DUOX1: variants seen among roughly 807,000 people sequenced by gnomAD.
The protein encoded by DUOX1 is dual oxidase 1.
Under a neutral mutation model 181.8 loss-of-function variants are expected in DUOX1, and 134 were observed. That is an observed-to-expected ratio of 0.74 (90% confidence interval 0.64 to 0.85). The LOEUF is 0.85. DUOX1 is among the 40% of genes least tolerant of loss of function. The probability of loss-of-function intolerance (pLI) is 0.00; values close to 1 mark genes in which losing one functional copy is unlikely to be tolerated. For missense variants in DUOX1, 1,814 were observed against 2,064.4 expected (o/e 0.88, Z 2.35); for synonymous variants, 798 against 832.5 (o/e 0.96, Z 0.71).
intron 2 of DUOX1, among the ~76,000 whole-genome samples, chr15:45,132,240 T>G (rs1417680083): frequency 6.6e-6 from 1 of 152,234 alleles, no homozygotes; most frequent in East Asian, 1.9e-4. Flanking sequence ...TTAGGGAGCC[T>G]TCAGCTGCTG....
At chr15:45,138,074 G>GTGTT in intron 10 of DUOX1, 60 bp downstream of exon 10, 17 of 994,086 alleles carry the variant, frequency 1.7e-5, no homozygotes, top group East Asian at 2.7e-5. Flanking sequence ...ATGTGTGTGT[G>GTGTT]TGTATGTGTG....
rs959959253 is a variant in DUOX1 at position 45,144,215 on chromosome 15, A to T, written c.2116A>T (p.Ile706Phe). ...NRGRRTLLLK[I>F]PKEYDLVLLF... The stretch of plus-strand genomic sequence containing the variant: ...TGGACGCCGCACTCTGCTGCTCAAG[A>T]TCCCCAAGGAGTATGACCTGGTATG... Residue 706 changes from isoleucine to phenylalanine, a missense_variant, in exon 17 of 34, where the codon ATC (isoleucine) becomes TTC (phenylalanine). Transcript: ENST00000389037. 3 of 1,614,044 alleles carry T rather than the reference A, an allele frequency of 1.9e-6. No individual in the cohort carries two copies. The highest frequency in any genetic ancestry group is 2.5e-6 in the Non-Finnish European group (3 of 1,180,046).
chr15:45,137,868 C>T (rs1413247733), intron 9 of DUOX1, 56 bp from the exon 10 acceptor site: 3 of 1,399,992 alleles, frequency 2.1e-6, no homozygotes, highest in Non-Finnish European at 2.9e-6. Flanking sequence ...AGAACTGATG[C>T]CTGACATTAT....
rs774718763 is a variant in DUOX1, at chr15:45,136,401, G to A, written c.916G>A (p.Glu306Lys). The change falls in exon 8 of 34, where the codon GAG becomes AAG. Residue 306 changes from glutamate to lysine, a missense_variant. Around this residue, in one of 5 missense-constraint regions of DUOX1, gnomAD observed 1,064 missense variants for 1,152.9 expected, o/e 0.92. Transcript: ENST00000389037. ...CAGCTTCCTGCAGAAAACACTCCCG[G>A]AGTATACAGGTGAGGGAGCGGGGAA... is the stretch of plus-strand genomic sequence containing the variant. ...LPSFLQKTLP[E>K]YTGYRPFLDP... 2 of 1,614,140 alleles carry A rather than the reference G, an allele frequency of 1.2e-6. No homozygotes were observed. Among genetic ancestry groups the A allele is most frequent in the Non-Finnish European group, 1.7e-6 (2 of 1,180,040 alleles).
At chr15:45,136,473 T>C (rs1227079465) in intron 8 of DUOX1, 56 bp from the exon 9 acceptor site, 5 of 1,613,972 alleles carry the variant, frequency 3.1e-6, no homozygotes, top group Non-Finnish European at 4.2e-6. Context: ...GGGTGGGGAC[T>C]ACGTTGGGGA....
In DUOX1 at chr15:45,139,371, G is replaced by A; in HGVS notation, c.1217-56G>A. 3 of 1,598,840 alleles carry A rather than the reference G, an allele frequency of 1.9e-6. No individual in the cohort carries two copies. In the South Asian group the frequency reaches 3.4e-5, roughly 18 times the overall value. The stretch of plus-strand genomic sequence containing the variant: ...CTGGTTGGAGCTTGGGGCCTGGACT[G>A]GACACTGCTGTGGTGGCCCTGAGCT... On this transcript the variant is annotated intron_variant, in intron 11 of 33. Transcript: ENST00000389037.
At chr15:45,162,402 C>G (rs1279711472) in intron 31 of DUOX1, 25 bp downstream of exon 31, 1 of 1,606,944 alleles carries the variant, frequency 6.2e-7, no homozygotes, top group Admixed American at 1.7e-5. Flanking sequence ...CACTTCCCAC[C>G]AACCCATGGC....
chr15:45,136,855 C>A (rs1183054859), intron 9 of DUOX1, among the ~76,000 whole-genome samples: 1 of 151,678 alleles, frequency 6.6e-6, no homozygotes, highest in African/African-American at 2.4e-5. Flanking sequence ...CTCCCCCCCA[C>A]CATTAAATAT....
chr15:45,136,476 G>A, intron 8 of DUOX1, 53 bp from the exon 9 acceptor site: 1 of 1,613,970 alleles, frequency 6.2e-7, no homozygotes, highest in Non-Finnish European at 8.5e-7. Flanking sequence ...TGGGGACTAC[G>A]TTGGGGATTT....
At position 45,135,620 on chromosome 15, in the gene DUOX1, C is replaced by T; in HGVS notation, c.642C>T (p.Leu214=). Residue 214 remains leucine, a synonymous_variant, in exon 6 of 34, where the codon CTC becomes CTT. Coordinates refer to ENST00000389037, the MANE Select transcript of DUOX1 (RefSeq NM_175940.3). The stretch of plus-strand genomic sequence containing the variant: ...CCCGAGACTCGCAGAACCCCCTGCT[C>T]ATGTGGGCGGCGCCCGACCCCGCCA... The part of the protein sequence containing the change: ...AFPRDSQNPL[L]MWAAPDPATG... 1 of 1,556,766 alleles carries T rather than the reference C, an allele frequency of 6.4e-7. No individual in the cohort carries two copies. Among genetic ancestry groups the T allele is most frequent in the Non-Finnish European group, 8.7e-7 (1 of 1,151,574 alleles).
At position 45,137,409 on chromosome 15, in the gene DUOX1, G is replaced by GTTTA. The variant is rs1896352890; in HGVS notation, c.1023-514_1023-513insTTAT. ...AGACACATATTTAAATAATGTATAT[G>GTTTA]TATGTATATGTATATGAAACAAAGC... On this transcript the variant is annotated intron_variant, in intron 9 of 33. Transcript: ENST00000389037. 2.1e-5 allele frequency among the ~76,000 whole-genome samples: 3 copies of GTTTA among 142,974 alleles called. No individual in the cohort carries two copies. In the South Asian group the frequency reaches 7.0e-4, roughly 33 times the overall value. The allele number at this position is 142,974 out of a possible 152,430, so 93.8% of individuals were successfully genotyped here.
At position 45,162,019 on chromosome 15, in the gene DUOX1, A is replaced by C. The variant is rs1216284474; in HGVS notation, c.4089+49A>C. On this transcript the variant is annotated intron_variant, in intron 30 of 33. Transcript: ENST00000389037. Reference sequence around the variant, plus strand: ...CCACATGCGCCCATATCCCCTTTGAAGGCTTTGGCCCGGCAGCACTAGACT... The same window carrying C: ...CCACATGCGCCCATATCCCCTTTGACGGCTTTGGCCCGGCAGCACTAGACT... 3.2e-6 allele frequency: 5 copies of C among 1,549,232 alleles called. No individual in the cohort carries two copies. In the African/African-American group the frequency reaches 6.8e-5, roughly 21 times the overall value.
intron 14 of DUOX1, 47 bp downstream of exon 14, chr15:45,141,457 G>A (rs199820942): frequency 2.0e-4 from 312 of 1,580,682 alleles, no homozygotes; most frequent in African/African-American, 1.3e-3. Flanking sequence ...CTGGAGCCTC[G>A]TCCCTCTTCA....
At chr15:45,136,288 A>T in intron 7 of DUOX1, 62 bp from the exon 8 acceptor site, 2 of 1,610,588 alleles carry the variant, frequency 1.2e-6, no homozygotes, top group Non-Finnish European at 1.7e-6. Context: ...CCTTGGGCTC[A>T]GACCCTTCCA....
At chr15:45,141,145 C>T (rs1365668343) in intron 13 of DUOX1, 75 bp downstream of exon 13, 1 of 1,581,512 alleles carries the variant, frequency 6.3e-7, no homozygotes, top group East Asian at 2.2e-5. Flanking sequence ...CCTTAGACAG[C>T]CCCCATGAGC....
Position 45,153,978 on chromosome 15 carries a change from G to T in DUOX1, c.3552G>T (p.Trp1184Cys), listed in dbSNP as rs768530196. 1.2e-6 allele frequency: 2 copies of T among 1,613,402 alleles called. No homozygotes were observed. The highest frequency in any genetic ancestry group is 1.7e-6 in the Non-Finnish European group (2 of 1,179,492). The change falls in exon 27 of 34, where the codon TGG becomes TGT. Residue 1184 changes from tryptophan (W) to cysteine (C), a missense_variant. Trp to Cys is a radical substitution (Grantham distance 215). Around this residue, in one of 5 missense-constraint regions of DUOX1, gnomAD observed 279 missense variants for 381.9 expected, o/e 0.73. Coordinates refer to ENST00000389037, the MANE Select transcript of DUOX1 (RefSeq NM_175940.3). ...CTGAGCTCCCCCAGAAGTATTACTG[G>T]TGGTTCTTCCAGACCGTACCAGGTG... is the stretch of plus-strand genomic sequence containing the variant. ...DGSELPQKYY[W>C]WFFQTVPGLT...
chr15:45,136,640 CAAAGG>C lies in DUOX1; in HGVS notation c.1022+16_1022+20del. ...GTCTACATGAGGTGAGGGAGGGGCT[CAAAGG>C]TGTGTGTGCTGGGAGGGATGGGGCT... On this transcript the variant is annotated intron_variant, in intron 9 of 33. Transcript: ENST00000389037. 6.2e-7 allele frequency: 1 copy of C among 1,613,048 alleles called. No homozygotes were observed. The highest frequency in any genetic ancestry group is 8.5e-7 in the Non-Finnish European group (1 of 1,179,318).
rs1896438985 is a variant in DUOX1 at position 45,139,588 on chromosome 15, A to G, written c.1378A>G (p.Ser460Gly). 6.3e-7 allele frequency: 1 copy of G among 1,587,988 alleles called. No individual in the cohort carries two copies. Among genetic ancestry groups the G allele is most frequent in the Non-Finnish European group, 8.6e-7 (1 of 1,168,408 alleles). The change falls in exon 12 of 34, where the codon AGC becomes GGC. Residue 460 changes from serine (S) to glycine (G), a missense_variant. Transcript: ENST00000389037. ...WQDINPALSR[S>G]NDTVLEATAA... ...GGACATCAACCCTGCACTCTCCCGG[A>G]GCAATGACACTGTGAGGAGGGGTCA...
intron 15 of DUOX1, among the ~76,000 whole-genome samples, chr15:45,142,788 G>GAA (rs879768286): frequency 0.47 from 65,388 of 139,690 alleles, 16,323 homozygotes; most frequent in South Asian, 0.59. Flanking sequence ...AGGAAGGAAG[G>GAA]GAGGGAGGAA....
Sources: gnomAD v4.1 joint callset for allele counts (sites outside exome capture counted in the v4.1 genomes callset) on GRCh38, gnomAD v4.1.1 for gene constraint, gnomAD v4.1.1 regional missense constraint, MANE v1.5 for transcripts, NCBI Gene and HGNC (gene_info 2026-07-23, HGNC 2026-07-21) for gene names.